Variants in SMIM31 observed in about 807,000 individuals in gnomAD.
SMIM31 encodes human epithelial cell program regulator.
chr4:164,785,148 C>T (rs1029605269), intron 2 of SMIM31, among the ~76,000 whole-genome samples: 1 of 151,846 alleles, frequency 6.6e-6, no homozygotes, highest in Non-Finnish European at 1.5e-5. Flanking sequence ...ATCACTTGAA[C>T]CCAGGAGGCG....
At chr4:164,778,778 G>A (rs1732910345) in intron 2 of SMIM31, among the ~76,000 whole-genome samples, 1 of 152,156 alleles carries the variant, frequency 6.6e-6, no homozygotes, top group Admixed American at 6.5e-5. Context: ...ACAGGGGTGA[G>A]TGTGAAGATG....
chr4:164,789,666 G>C (rs999371433), intron 2 of SMIM31, among the ~76,000 whole-genome samples: 4 of 152,088 alleles, frequency 2.6e-5, no homozygotes, highest in African/African-American at 7.2e-5. Flanking sequence ...GAGATGTAAG[G>C]GTTTAACTAA....
At chr4:164,781,769 T>G (rs6832922) in intron 2 of SMIM31, among the ~76,000 whole-genome samples, 30,393 of 152,088 alleles carry the variant, frequency 0.2, 8,129 homozygotes, top group African/African-American at 0.62. Flanking sequence ...GCCAACTTCA[T>G]AAGATTACAT....
chr4:164,799,042 C>T (rs535413142), intron 2 of SMIM31, among the ~76,000 whole-genome samples: 2 of 152,146 alleles, frequency 1.3e-5, no homozygotes, highest in African/African-American at 4.8e-5. Context: ...GCCGGTGCCA[C>T]GCTTGGGCAG....
chr4:164,788,575 C>T (rs1733060327), intron 2 of SMIM31, among the ~76,000 whole-genome samples: 1 of 142,034 alleles, frequency 7.0e-6, no homozygotes, highest in Non-Finnish European at 1.5e-5. Context: ...CAGCAACTTC[C>T]GCCTCCCTGG....
chr4:164,762,244 A>G (rs1420660795), intron 1 of SMIM31, among the ~76,000 whole-genome samples: 2 of 152,216 alleles, frequency 1.3e-5, no homozygotes, highest in African/African-American at 4.8e-5. Flanking sequence ...GCAAAAACAG[A>G]ATAATCTCTG....
At chr4:164,784,328 A>C (rs1362598540) in intron 2 of SMIM31, among the ~76,000 whole-genome samples, 1 of 152,244 alleles carries the variant, frequency 6.6e-6, no homozygotes, top group Non-Finnish European at 1.5e-5. Flanking sequence ...TGAACCCTGA[A>C]ACAAACAGGA....
chr4:164,763,135 C>A (rs577786176), intron 1 of SMIM31, among the ~76,000 whole-genome samples: 2 of 152,320 alleles, frequency 1.3e-5, no homozygotes, highest in Non-Finnish European at 2.9e-5. Flanking sequence ...TAAACCTATA[C>A]TTTAGAGACT....
chr4:164,774,962 T>G (rs978334203), intron 2 of SMIM31, among the ~76,000 whole-genome samples: 2 of 152,228 alleles, frequency 1.3e-5, no homozygotes, highest in Non-Finnish European at 2.9e-5. Context: ...TCCAAGGAAC[T>G]AGCTGGAGGC....
At chr4:164,758,009 T>C (rs540719002) in intron 1 of SMIM31, among the ~76,000 whole-genome samples, 5 of 152,296 alleles carry the variant, frequency 3.3e-5, no homozygotes, top group Admixed American at 2.0e-4. Flanking sequence ...CTTAACAATA[T>C]TGAGTCTTCC....
chr4:164,766,206 T>C (rs148804934), intron 1 of SMIM31, among the ~76,000 whole-genome samples: 172 of 152,316 alleles, frequency 1.1e-3, no homozygotes, highest in African/African-American at 4.0e-3. Flanking sequence ...AAAGCCATTT[T>C]CAAAATATAC....
At chr4:164,757,731 G>A (rs1314923130) in intron 1 of SMIM31, among the ~76,000 whole-genome samples, 2 of 151,960 alleles carry the variant, frequency 1.3e-5, no homozygotes, top group African/African-American at 4.8e-5. Flanking sequence ...ATGTCATAAA[G>A]GGTCGATCTT....
intron 1 of SMIM31, among the ~76,000 whole-genome samples, chr4:164,769,335 T>A (rs557670790): frequency 5.1e-4 from 78 of 152,212 alleles, no homozygotes; most frequent in African/African-American, 1.8e-3. Context: ...TAAGCTCTCA[T>A]CTTGACATTA....
chr4:164,766,124 C>T (rs905787289), intron 1 of SMIM31, among the ~76,000 whole-genome samples: 3 of 152,132 alleles, frequency 2.0e-5, no homozygotes, highest in South Asian at 2.1e-4. Flanking sequence ...AACACATCTC[C>T]CCCGTGAGGG....
At position 164,798,431 on chromosome 4, in the gene SMIM31, C is replaced by T. The variant is rs575091967; in HGVS notation, c.113-2660C>T. ...TGTATTTTTTTTTTTTTAGTAGAGA[C>T]GGGGTTTCACCATGTTAACCAGGAT... On this transcript the variant is annotated intron_variant, in intron 2 of 2. Coordinates refer to ENST00000507311, the MANE Select transcript of SMIM31 (RefSeq NM_001352885.1). Among the ~76,000 whole-genome samples, 5 of 151,058 alleles carry T rather than the reference C, an allele frequency of 3.3e-5. No homozygotes were observed. The South Asian group carries it at 6.3e-4, about 19-fold the overall frequency.
At chr4:164,769,884 G>C (rs1390460456) in intron 1 of SMIM31, among the ~76,000 whole-genome samples, 3 of 152,080 alleles carry the variant, frequency 2.0e-5, no homozygotes, top group Admixed American at 2.0e-4. Flanking sequence ...ATAGTATATT[G>C]ATTAAGAGTG....
At chr4:164,770,089 C>T (rs561831844) in intron 1 of SMIM31, among the ~76,000 whole-genome samples, 5 of 152,266 alleles carry the variant, frequency 3.3e-5, no homozygotes, top group South Asian at 2.1e-4. Flanking sequence ...TGCCTGGCCC[C>T]GTTTAAGTGC....
At chr4:164,777,134 ATGATGGTCTTCAATGTATATT>A (rs1266715860) in intron 2 of SMIM31, among the ~76,000 whole-genome samples, 2 of 152,206 alleles carry the variant, frequency 1.3e-5, no homozygotes, top group Non-Finnish European at 2.9e-5. Context: ...CAGGCTTTTC[ATGATGGTCTTCAATGTATATT>A]TGATCAACTT....
At chr4:164,783,585 T>TCTAAACATCTGCCAATA (rs147560190) in intron 2 of SMIM31, among the ~76,000 whole-genome samples, 2 of 150,448 alleles carry the variant, frequency 1.3e-5, no homozygotes, top group African/African-American at 4.9e-5. Context: ...AAATGAAATT[T>TCTAAACATCTGCCAATA]CAGAAAACAG....
Sources: allele counts gnomAD v4.1 joint callset (sites outside exome capture counted in the v4.1 genomes callset), GRCh38; gene constraint gnomAD v4.1.1; transcripts MANE v1.5; gene names NCBI Gene and HGNC (gene_info 2026-07-23, HGNC 2026-07-21).